Variants in CREB5 observed in about 807,000 individuals in gnomAD.
CREB5 encodes cyclic AMP-responsive element-binding protein 5.
In CREB5, 19 loss-of-function variants were observed where a neutral mutation model predicts 57.1. That is an observed-to-expected ratio of 0.33 (90% CI 0.23 to 0.49). CREB5 has a LOEUF of 0.49. Among genes scored for constraint, CREB5 ranks in the 20% least tolerant of loss-of-function variants. CREB5 has a pLI of 0.99. For missense variants in CREB5, 579 were observed against 671.6 expected, an observed-to-expected ratio of 0.86 and a Z score of 1.52; for synonymous variants, 238 against 238.3, an observed-to-expected ratio of 1.00 and a Z score of 0.01.
chr7:28,332,801 A>G (rs1190076968), intron 1 of CREB5, among the ~76,000 whole-genome samples: 1 of 152,204 alleles, frequency 6.6e-6, no homozygotes, highest in African/African-American at 2.4e-5. Context: ...GTAGCTATAC[A>G]TCATCATTTT....
chr7:28,319,233 T>C (rs1299962073), intron 1 of CREB5, among the ~76,000 whole-genome samples: 1 of 152,082 alleles, frequency 6.6e-6, no homozygotes, highest in East Asian at 1.9e-4. Context: ...AGAAGATCGG[T>C]GGGTCAAAGG....
chr7:28,310,427 G>A (rs6462072), intron 1 of CREB5, among the ~76,000 whole-genome samples: 3,961 of 152,294 alleles, frequency 0.026, 146 homozygotes, highest in African/African-American at 0.09. Flanking sequence ...CCAGATTCTA[G>A]TCCTGGCTGG....
intron 4 of CREB5, among the ~76,000 whole-genome samples, chr7:28,543,439 T>A (rs1453421100): frequency 6.6e-6 from 1 of 152,228 alleles, no homozygotes; most frequent in Non-Finnish European, 1.5e-5. Context: ...CAAATGAGAT[T>A]GTTTGCCCAA....
At chr7:28,701,161 C>T (rs1801840504) in intron 5 of CREB5, among the ~76,000 whole-genome samples, 3 of 152,094 alleles carry the variant, frequency 2.0e-5, no homozygotes, top group Non-Finnish European at 2.9e-5. Flanking sequence ...TTATGATAAG[C>T]ACTGGAAAGA....
chr7:28,339,630 C>T (rs1183169613), intron 1 of CREB5, among the ~76,000 whole-genome samples: 2 of 152,340 alleles, frequency 1.3e-5, no homozygotes, highest in South Asian at 2.1e-4. Context: ...CACTGTACCA[C>T]TGCCCAGCTA....
intron 1 of CREB5, among the ~76,000 whole-genome samples, chr7:28,401,969 T>A (rs1787473991): frequency 2.6e-5 from 4 of 152,206 alleles, no homozygotes; most frequent in Non-Finnish European, 4.4e-5. Context: ...TAGTTCTAGA[T>A]CCCTGAGGAA....
chr7:28,592,641 A>G (rs906957186), intron 5 of CREB5, among the ~76,000 whole-genome samples: 2 of 152,152 alleles, frequency 1.3e-5, no homozygotes, highest in Non-Finnish European at 2.9e-5. Context: ...TCAAACATGC[A>G]TGGATCAGTT....
chr7:28,457,436 T>G (rs916219801), intron 1 of CREB5, among the ~76,000 whole-genome samples: 25 of 152,202 alleles, frequency 1.6e-4, no homozygotes, highest in African/African-American at 4.3e-4. Context: ...AGGCAGTTGC[T>G]GCTCATTGGT....
chr7:28,562,389 A>G lies in CREB5; in HGVS notation c.292-7976A>G, dbSNP rs78953464. 1.0e-3 allele frequency among the ~76,000 whole-genome samples: 156 copies of G among 152,364 alleles called. 1 individual carries two copies. Among genetic ancestry groups the G allele is most frequent in the African/African-American group, 3.5e-3 (147 of 41,594 alleles). On this transcript the variant is annotated intron_variant, in intron 4 of 10. Transcript: ENST00000357727. ...CGACTACAAGATTAAATGAATAGCT[A>G]TAAAATGCTCACAGGGATGGTTCAG...
intron 1 of CREB5, among the ~76,000 whole-genome samples, chr7:28,316,062 A>G (rs1376037588): frequency 6.6e-6 from 1 of 152,220 alleles, no homozygotes; most frequent in Non-Finnish European, 1.5e-5. Context: ...AAGTTGTTCC[A>G]GATCTTGAGT....
intron 7 of CREB5, among the ~76,000 whole-genome samples, chr7:28,737,539 G>A (rs201321995): frequency 0.073 from 1,899 of 26,166 alleles, 45 homozygotes; most frequent in South Asian, 0.14. Flanking sequence ...ATATATATAC[G>A]TATATATATA....
intron 5 of CREB5, among the ~76,000 whole-genome samples, chr7:28,643,429 C>T (rs564412330): frequency 1.8e-4 from 28 of 152,180 alleles, no homozygotes; most frequent in Non-Finnish European, 3.8e-4. Context: ...TTTCATTTTT[C>T]CATTCACTTT....
intron 1 of CREB5, among the ~76,000 whole-genome samples, chr7:28,406,960 G>A (rs1000586926): frequency 6.6e-6 from 1 of 151,380 alleles, no homozygotes; most frequent in Non-Finnish European, 1.5e-5. Flanking sequence ...ACCTATCACA[G>A]CATTAGCCAA....
intron 4 of CREB5, among the ~76,000 whole-genome samples, chr7:28,524,620 G>A (rs773529180): frequency 3.3e-5 from 5 of 152,138 alleles, no homozygotes; most frequent in Non-Finnish European, 7.4e-5. Context: ...TGAATTGAAA[G>A]CAAGAAGAAT....
intron 9 of CREB5, among the ~76,000 whole-genome samples, chr7:28,816,059 A>G (rs1159052530): frequency 6.8e-6 from 1 of 147,312 alleles, no homozygotes; most frequent in African/African-American, 2.5e-5. Context: ...ATATACGCAC[A>G]CACACACACA....
At chr7:28,430,491 C>T (rs1404627991) in intron 1 of CREB5, among the ~76,000 whole-genome samples, 2 of 152,162 alleles carry the variant, frequency 1.3e-5, no homozygotes, top group African/African-American at 4.8e-5. Context: ...TGTGAAAACA[C>T]CACTTGGATT....
chr7:28,639,619 C>T (rs753878934), intron 5 of CREB5, among the ~76,000 whole-genome samples: 2 of 152,034 alleles, frequency 1.3e-5, no homozygotes, highest in East Asian at 1.9e-4. Context: ...TAGTGCAGGC[C>T]GGGCACTAAT....
At chr7:28,358,745 A>C (rs1464459927) in intron 1 of CREB5, among the ~76,000 whole-genome samples, 1 of 152,160 alleles carries the variant, frequency 6.6e-6, no homozygotes, top group Non-Finnish European at 1.5e-5. Context: ...CCAAGTGGTA[A>C]AGTGGTATTT....
intron 4 of CREB5, among the ~76,000 whole-genome samples, chr7:28,545,206 C>G (rs1371739896): frequency 1.3e-5 from 2 of 152,164 alleles, no homozygotes; most frequent in East Asian, 3.8e-4. Flanking sequence ...CTGCCCATGC[C>G]AAAGTCTAAA....
Sources: allele counts gnomAD v4.1 joint callset (sites outside exome capture counted in the v4.1 genomes callset), GRCh38; gene constraint gnomAD v4.1.1; transcripts MANE v1.5; gene names NCBI Gene and HGNC (gene_info 2026-07-23, HGNC 2026-07-21).